MYO18B: variants seen among roughly 807,000 people sequenced by gnomAD.
MYO18B encodes the protein myosin XVIIIB.
Under a neutral mutation model 273.0 loss-of-function variants are expected in MYO18B, and 204 were observed. The observed-to-expected ratio is 0.75, with a 90% CI of 0.67 to 0.84. MYO18B has a LOEUF of 0.84. Ranked by LOEUF, MYO18B falls within the 40% of genes least tolerant of loss-of-function variation. MYO18B has a pLI of 0.00. For missense variants in MYO18B, 3,212 were observed against 3,287.6 expected, an observed-to-expected ratio of 0.98 and a Z score of 0.56; for synonymous variants, 1,330 against 1,305.7, an observed-to-expected ratio of 1.02 and a Z score of -0.40.
At chr22:25,799,489 C>T (rs1031188346) in intron 12 of MYO18B, among the ~76,000 whole-genome samples, 1 of 152,158 alleles carries the variant, frequency 6.6e-6, no homozygotes, top group Non-Finnish European at 1.5e-5. Context: ...TAGCTCTTAT[C>T]AGTGGCTGGT....
chr22:25,983,005 G>A (rs997444996), intron 39 of MYO18B, among the ~76,000 whole-genome samples: 3 of 152,168 alleles, frequency 2.0e-5, no homozygotes, highest in African/African-American at 7.2e-5. Context: ...GGGTAACCTA[G>A]TATACAGCAA....
At chr22:25,885,861 G>A (rs1296851379) in intron 25 of MYO18B, among the ~76,000 whole-genome samples, 1 of 152,174 alleles carries the variant, frequency 6.6e-6, no homozygotes, top group African/African-American at 2.4e-5. Context: ...AGTGGGTGGT[G>A]TGTCACCCTC....
At chr22:25,756,369 A>C (rs2086121940) in intron 1 of MYO18B, 1 of 152,242 alleles carries the variant, frequency 6.6e-6, no homozygotes, top group African/African-American at 2.4e-5. Flanking sequence ...TTAGAGCCGA[A>C]ATGCTCCTTG....
chr22:25,936,462 C>T (rs1466467065), intron 34 of MYO18B, among the ~76,000 whole-genome samples: 1 of 152,184 alleles, frequency 6.6e-6, no homozygotes, highest in East Asian at 1.9e-4. Context: ...AAGCTGTGGA[C>T]TTAAAAGAGA....
chr22:25,849,355 C>T (rs2090353200), intron 20 of MYO18B, among the ~76,000 whole-genome samples: 1 of 152,172 alleles, frequency 6.6e-6, no homozygotes, highest in African/African-American at 2.4e-5. Context: ...AGACCTGGTT[C>T]ATTTCCTCTT....
At chr22:25,866,139 TTACTAAATTAC>T (rs1485193794) in intron 21 of MYO18B, among the ~76,000 whole-genome samples, 1 of 152,166 alleles carries the variant, frequency 6.6e-6, no homozygotes, top group Non-Finnish European at 1.5e-5. Context: ...TGAAACTCAT[TTACTAAATTAC>T]TCCAGCCTCA....
chr22:25,925,268 A>C (rs2092403319), intron 34 of MYO18B, among the ~76,000 whole-genome samples: 1 of 145,090 alleles, frequency 6.9e-6, no homozygotes, highest in Admixed American at 7.1e-5. Context: ...TTTTGGTTGG[A>C]ATTCAGGATC....
At chr22:25,923,049 T>A (rs1047889825) in intron 34 of MYO18B, among the ~76,000 whole-genome samples, 15 of 152,224 alleles carry the variant, frequency 9.9e-5, no homozygotes, top group African/African-American at 3.6e-4. Context: ...CAGGCTGACC[T>A]TGCTTTTTAT....
At chr22:25,787,270 G>GCA (rs965998326) in intron 11 of MYO18B, among the ~76,000 whole-genome samples, 8 of 42,698 alleles carry the variant, frequency 1.9e-4, no homozygotes, top group Admixed American at 6.7e-4. Flanking sequence ...GTGCAGGCGC[G>GCA]CGCACACACA....
At chr22:25,989,786 AAAG>A (rs2093244439) in intron 39 of MYO18B, among the ~76,000 whole-genome samples, 1 of 151,416 alleles carries the variant, frequency 6.6e-6, no homozygotes, top group African/African-American at 2.4e-5. Context: ...AAAAAAAAAA[AAAG>A]AGTGGAGCCT....
chr22:25,948,351 C>G (rs935586165), intron 36 of MYO18B, among the ~76,000 whole-genome samples: 1 of 152,152 alleles, frequency 6.6e-6, no homozygotes, highest in Non-Finnish European at 1.5e-5. Flanking sequence ...CCACCGCTTA[C>G]CCATTTATTC....
chr22:25,975,999 C>T (rs2093084871), intron 39 of MYO18B, among the ~76,000 whole-genome samples: 1 of 152,174 alleles, frequency 6.6e-6, no homozygotes, highest in African/African-American at 2.4e-5. Context: ...AAAATAAAGT[C>T]TACTGCTTAC....
chr22:25,855,713 A>T (rs560831121), intron 21 of MYO18B, among the ~76,000 whole-genome samples: 8 of 152,318 alleles, frequency 5.3e-5, no homozygotes, highest in African/African-American at 1.9e-4. Context: ...CAGTGAGCAT[A>T]CATGTGCATG....
At chr22:25,909,139 T>G (rs1026492584) in intron 32 of MYO18B, among the ~76,000 whole-genome samples, 1 of 152,216 alleles carries the variant, frequency 6.6e-6, no homozygotes, top group Non-Finnish European at 1.5e-5. Context: ...TTTCTGCCCT[T>G]ATAACCAGTG....
the MYO18B span, among the ~76,000 whole-genome samples, chr22:26,062,419 G>A: frequency 6.6e-6 from 1 of 152,112 alleles, no homozygotes; most frequent in African/African-American, 2.4e-5. Flanking sequence ...GGGTCTAATG[G>A]CTATCAGGTA....
chr22:25,846,882 C>G (rs113011600), intron 19 of MYO18B, among the ~76,000 whole-genome samples: 1,902 of 152,232 alleles, frequency 0.012, 14 homozygotes, highest in Non-Finnish European at 0.021. Flanking sequence ...GAGTTCGAGA[C>G]CAGCCTGGCC....
chr22:25,904,732 C>T (rs1018915143), intron 31 of MYO18B, among the ~76,000 whole-genome samples: 1 of 151,964 alleles, frequency 6.6e-6, no homozygotes, highest in African/African-American at 2.4e-5. Context: ...AGGCAGCTTA[C>T]AAGATACATG....
the MYO18B span, among the ~76,000 whole-genome samples, chr22:26,060,820 A>G: frequency 1.1e-4 from 15 of 138,074 alleles, 1 homozygote; most frequent in Admixed American, 8.9e-4. Flanking sequence ...AAACACATGC[A>G]TACATATATA....
chr22:25,912,377 C>T (rs1211645460), intron 33 of MYO18B, among the ~76,000 whole-genome samples: 9 of 151,944 alleles, frequency 5.9e-5, no homozygotes, highest in South Asian at 2.1e-4. Context: ...GGAATCACTG[C>T]GAGAAGGTTG....
Sources: gnomAD v4.1 joint callset for allele counts (sites outside exome capture counted in the v4.1 genomes callset) on GRCh38, gnomAD v4.1.1 for gene constraint, MANE v1.5 for transcripts, NCBI Gene and HGNC (gene_info 2026-07-23, HGNC 2026-07-21) for gene names.